The following CNKSR2 variants were observed in gnomAD, a reference collection of about 807,000 sequenced individuals.
The protein encoded by CNKSR2 is connector enhancer of kinase suppressor of Ras 2.
CNKSR2 carries 14 observed loss-of-function variants against 84.4 expected under a neutral mutation model. That is an observed-to-expected ratio of 0.17 (90% CI 0.11 to 0.26). CNKSR2 has a LOEUF of 0.26. Ranked by LOEUF, CNKSR2 falls within the 10% of genes least tolerant of loss-of-function variation. The pLI is 1.00. For missense variants in CNKSR2, 485 were observed against 771.2 expected (o/e 0.63, Z 4.40); for synonymous variants, 275 against 277.9 (o/e 0.99, Z 0.10).
chrX:21,651,980 G>A (rs1478342669), intron 21 of CNKSR2, among the ~76,000 whole-genome samples: 1 of 112,249 alleles, frequency 8.9e-6, no homozygotes, highest in Non-Finnish European at 1.9e-5. Context: ...CATAAATGAG[G>A]GAGAAAACTT....
intron 1 of CNKSR2, among the ~76,000 whole-genome samples, chrX:21,399,203 T>G (rs1350164586): frequency 9.0e-6 from 1 of 111,450 alleles, no homozygotes; most frequent in African/African-American, 3.3e-5. Flanking sequence ...CTCCATCCAG[T>G]CAAATAAATA....
Position 21,558,862 on chromosome X carries a change from A to G in CNKSR2, c.1304-2609A>G, listed in dbSNP as rs759020427. On this transcript the variant is annotated intron_variant, in intron 11 of 21. Coordinates refer to ENST00000379510, the MANE Select transcript of CNKSR2 (RefSeq NM_014927.5). ...GAGCAAGTGAAACAACTGCTTATTT[A>G]TTGGATTTTCACTTTTCAAAAGATT... Among the ~76,000 whole-genome samples the G allele has an allele frequency of 7.2e-5, 8 of 111,557 alleles. No individual in the cohort carries two copies. The South Asian group carries it at 3.0e-3, about 41-fold the overall frequency.
intron 1 of CNKSR2, among the ~76,000 whole-genome samples, chrX:21,378,509 T>G (rs1223404727): frequency 1.8e-5 from 2 of 111,709 alleles, no homozygotes; most frequent in Non-Finnish European, 3.8e-5. Context: ...AAATATTTCA[T>G]AATTTGCAGT....
chrX:21,464,340 G>A (rs1221099076), intron 4 of CNKSR2, among the ~76,000 whole-genome samples: 1 of 112,195 alleles, frequency 8.9e-6, no homozygotes, highest in East Asian at 2.8e-4. Flanking sequence ...AGGTTTGGGG[G>A]AAAGGGGGCA....
In CNKSR2 at chrX:21,609,584, G is replaced by C. The variant is rs1366938094; in HGVS notation, c.2659G>C (p.Gly887Arg). Reference sequence around the variant, plus strand: ...AGAGGAGGAGGAGGAGGAGGAGGAAGGGGAGGCAGCAGGGGAAAACATAGG... The same window carrying C: ...AGAGGAGGAGGAGGAGGAGGAGGAACGGGAGGCAGCAGGGGAAAACATAGG... ...EEEEEEEEEE[G>R]EAAGENIGEK... Residue 887 changes from glycine (G) to arginine (R), a missense_variant, in exon 20 of 22, where the codon GGG becomes CGG. Gly to Arg is a moderately radical substitution (Grantham distance 125). This residue lies in a region of CNKSR2 where 210 missense variants were observed against 291.5 expected (regional missense o/e 0.72). Coordinates refer to ENST00000379510, the MANE Select transcript of CNKSR2 (RefSeq NM_014927.5). 11 of 1,205,898 alleles carry C rather than the reference G, an allele frequency of 9.1e-6. No homozygotes were observed. In the African/African-American group the frequency reaches 1.8e-4, roughly 19 times the overall value.
intron 13 of CNKSR2, among the ~76,000 whole-genome samples, chrX:21,582,806 C>G (rs763302880): frequency 3.0e-4 from 33 of 111,469 alleles, no homozygotes; most frequent in Non-Finnish European, 5.8e-4. Context: ...TCATGTTAGC[C>G]TTCCTGAATA....
rs1915553403 is a variant in CNKSR2 at position 21,644,332 on chromosome X, G to A, written c.2693-4499G>A. On this transcript the variant is annotated intron_variant, in intron 20 of 21. Transcript: ENST00000379510. ...AGATCACAGATCCCTTCCGAAATAT[G>A]TACCAGAACTCGTTATCCATCATTG... 3 of 111,911 alleles carry A rather than the reference G, an allele frequency of 2.7e-5. No individual in the cohort carries two copies. In the Admixed American group the frequency reaches 2.9e-4, roughly 11 times the overall value. 9.2% of individuals were successfully genotyped at this position (111,911 alleles called of 1,213,427 possible).
At chrX:21,571,477 T>TA (rs1352637068) in intron 13 of CNKSR2, among the ~76,000 whole-genome samples, 1 of 112,277 alleles carries the variant, frequency 8.9e-6, no homozygotes, top group African/African-American at 3.2e-5. Context: ...ACTGATTACT[T>TA]ACTAAGCTCC....
At chrX:21,571,799 C>G (rs1473514591) in intron 13 of CNKSR2, among the ~76,000 whole-genome samples, 1 of 112,102 alleles carries the variant, frequency 8.9e-6, no homozygotes, top group African/African-American at 3.2e-5. Flanking sequence ...AATTTACCTG[C>G]AGTTATAAAG....
At chrX:21,382,731 T>A (rs1172974328) in intron 1 of CNKSR2, among the ~76,000 whole-genome samples, 1 of 111,783 alleles carries the variant, frequency 8.9e-6, no homozygotes, top group African/African-American at 3.2e-5. Context: ...CAATTTGCAT[T>A]TTTATTAATA....
intron 20 of CNKSR2, chrX:21,642,111 G>A (rs1392872938): frequency 2.4e-5 from 18 of 748,695 alleles, no homozygotes; most frequent in Non-Finnish European, 2.8e-5. Flanking sequence ...TTTAAAACTT[G>A]ACGTGCTGTA....
intron 17 of CNKSR2, among the ~76,000 whole-genome samples, chrX:21,596,597 C>T (rs1383699802): frequency 1.8e-5 from 2 of 110,570 alleles, no homozygotes; most frequent in Admixed American, 1.9e-4. Context: ...CTTGAACATA[C>T]TAAATGAACA....
intron 4 of CNKSR2, among the ~76,000 whole-genome samples, chrX:21,442,850 C>T (rs1032300412): frequency 2.7e-5 from 3 of 111,347 alleles, no homozygotes; most frequent in Non-Finnish European, 5.7e-5. Flanking sequence ...TCCTTTGCAG[C>T]AACACAGATG....
intron 1 of CNKSR2, chrX:21,423,204 A>C (rs189962079): frequency 3.7e-4 from 41 of 111,686 alleles, no homozygotes; most frequent in African/African-American, 1.3e-3. Flanking sequence ...AGAGGTTTGG[A>C]AACCATCCTT....
At chrX:21,593,116 C>G (rs1218492744) in intron 15 of CNKSR2, 3 of 110,829 alleles carry the variant, frequency 2.7e-5, no homozygotes, top group Non-Finnish European at 5.7e-5. Context: ...AATCCCTCAT[C>G]ACATCATTAT....
intron 3 of CNKSR2, among the ~76,000 whole-genome samples, chrX:21,438,358 C>T (rs1268183960): frequency 2.7e-5 from 3 of 111,685 alleles, no homozygotes; most frequent in Non-Finnish European, 5.7e-5. Context: ...TATATGCGGT[C>T]TGTTGTTGAC....
At chrX:21,648,061 A>T (rs921966398) in intron 20 of CNKSR2, among the ~76,000 whole-genome samples, 1 of 111,646 alleles carries the variant, frequency 9.0e-6, no homozygotes, top group Non-Finnish European at 1.9e-5. Context: ...TTTTCTCAAA[A>T]ATATTTAACT....
chrX:21,497,465 A>G (rs942818572), intron 6 of CNKSR2, among the ~76,000 whole-genome samples: 1 of 111,501 alleles, frequency 9.0e-6, no homozygotes, highest in East Asian at 2.8e-4. Flanking sequence ...AATATGCAGT[A>G]TGGGTTTTTG....
At chrX:21,647,156 G>A (rs1439596191) in intron 20 of CNKSR2, among the ~76,000 whole-genome samples, 1 of 112,052 alleles carries the variant, frequency 8.9e-6, no homozygotes, top group Non-Finnish European at 1.9e-5. Context: ...TGTATTTTTA[G>A]ATTATAGTTC....
Sources: allele counts gnomAD v4.1 joint callset (sites outside exome capture counted in the v4.1 genomes callset), GRCh38; gene constraint gnomAD v4.1.1; regional missense constraint gnomAD v4.1.1; transcripts MANE v1.5; gene names NCBI Gene and HGNC (gene_info 2026-07-23, HGNC 2026-07-21).